Variants in CENPI observed in about 807,000 individuals in gnomAD.
CENPI encodes centromere protein I.
In CENPI, 4 loss-of-function variants were observed where a neutral mutation model predicts 60.4. The ratio of observed to expected loss-of-function variants is 0.07; its 90% CI spans 0.03 to 0.15. The LOEUF is 0.15. CENPI is among the 10% of genes least tolerant of loss of function. The pLI is 1.00. For missense variants in CENPI, 444 were observed against 534.5 expected (o/e 0.83, Z 1.67); for synonymous variants, 157 against 189.4 (o/e 0.83, Z 1.40).
chrX:101,178,388 T>C, the CENPI span, among the ~76,000 whole-genome samples: 1 of 89,110 alleles, frequency 1.1e-5, no homozygotes, highest in Non-Finnish European at 2.2e-5. Flanking sequence ...CTTCTTCTTC[T>C]TTTCTTCTTC....
chrX:101,150,536 A>C (rs1365104896), intron 20 of CENPI, among the ~76,000 whole-genome samples: 1 of 109,628 alleles, frequency 9.1e-6, no homozygotes, highest in Non-Finnish European at 1.9e-5. Flanking sequence ...GCTCCTGGCT[A>C]GTTTTTTTGT....
chrX:101,127,973 G>A (rs765410871), intron 11 of CENPI, among the ~76,000 whole-genome samples: 2 of 110,965 alleles, frequency 1.8e-5, no homozygotes, highest in Non-Finnish European at 3.8e-5. Context: ...CGAGGTGGGC[G>A]GATCACTTGA....
intron 6 of CENPI, among the ~76,000 whole-genome samples, chrX:101,119,249 A>T (rs1454358286): frequency 2.7e-5 from 3 of 112,191 alleles, no homozygotes; most frequent in Non-Finnish European, 3.8e-5. Context: ...TCTTTCTCAA[A>T]CCATTTCTAA....
At chrX:101,127,702 A>G (rs1180294669) in intron 11 of CENPI, 37 bp downstream of exon 11, 11 of 1,032,731 alleles carry the variant, frequency 1.1e-5, no homozygotes, top group Non-Finnish European at 1.4e-5. Context: ...TGCATTTTCT[A>G]TTTGAATTTC....
intron 18 of CENPI, 110 bp from the exon 19 acceptor site, chrX:101,147,653 T>C (rs2089973582): frequency 1.7e-6 from 1 of 595,376 alleles, no homozygotes; most frequent in Non-Finnish European, 2.7e-6. Context: ...TATATGCACA[T>C]TTGCATATAT....
At position 101,163,286 on chromosome X, in the gene CENPI, G is replaced by A. The variant is rs2090126710; in HGVS notation, c.*319G>A. 5.2e-6 allele frequency: 1 copy of A among 193,487 alleles called. No individual in the cohort carries two copies. The highest frequency in any genetic ancestry group is 9.2e-6 in the Non-Finnish European group (1 of 108,257). 15.9% of individuals were successfully genotyped at this position (193,487 alleles called of 1,213,427 possible). A position where few individuals can be genotyped will look rare whatever the true frequency, so the allele number is the denominator to read the frequency against. ...ATTTTTGGGTACTATGAGCTGCATT[G>A]ATGGAAGACAGCAGGCAATATGTGG... On this transcript the variant is annotated 3_prime_UTR_variant, in exon 22 of 22. Coordinates refer to ENST00000682095, the MANE Select transcript of CENPI (RefSeq NM_001386188.2).
At position 101,117,636 on chromosome X, in the gene CENPI, C is replaced by A. The variant is rs750103388; in HGVS notation, c.592-2766C>A. On this transcript the variant is annotated intron_variant, in intron 6 of 21. Coordinates refer to ENST00000682095, the MANE Select transcript of CENPI (RefSeq NM_001386188.2). The stretch of plus-strand genomic sequence containing the variant: ...CACAGTGGAGTTTTAATTTCACAAC[C>A]ATACACTTAGTGTGTAGCTCTTGGG... Among the ~76,000 whole-genome samples, 5 of 112,081 alleles carry A rather than the reference C, an allele frequency of 4.5e-5. No individual in the cohort carries two copies. In the East Asian group the frequency reaches 1.4e-3, roughly 31 times the overall value.
At chrX:101,152,284 C>T (rs1452946119) in intron 20 of CENPI, among the ~76,000 whole-genome samples, 2 of 109,592 alleles carry the variant, frequency 1.8e-5, no homozygotes, top group Non-Finnish European at 3.8e-5. Context: ...AGGCTGGTCT[C>T]GAACTCCTGA....
intron 4 of CENPI, among the ~76,000 whole-genome samples, chrX:101,108,317 C>A (rs2089508604): frequency 9.0e-6 from 1 of 110,563 alleles, no homozygotes; most frequent in Admixed American, 9.7e-5. Flanking sequence ...CTCAAGCAGT[C>A]CTCCGGCCTC....
intron 6 of CENPI, among the ~76,000 whole-genome samples, chrX:101,111,769 C>G (rs2089556472): frequency 9.0e-6 from 1 of 111,515 alleles, no homozygotes; most frequent in African/African-American, 3.3e-5. Flanking sequence ...CGCGGTGGCT[C>G]ACACCTGTAA....
chrX:101,140,645 T>TTTTCATTTTG (rs1326699830), intron 15 of CENPI, 21 bp from the exon 16 acceptor site: 1 of 1,081,580 alleles, frequency 9.2e-7, no homozygotes, highest in Non-Finnish European at 1.3e-6. Flanking sequence ...ATGAAATCTT[T>TTTTCATTTTG]TTTCATTTTG....
Position 101,136,754 on chromosome X carries a change from A to T in CENPI, c.1471-3912A>T, listed in dbSNP as rs752001507. Among the ~76,000 whole-genome samples, 400 of 109,988 alleles carry T rather than the reference A, an allele frequency of 3.6e-3. 2 individuals are homozygous for T. Among genetic ancestry groups the T allele is most frequent in the African/African-American group, 0.013 (382 of 30,103 alleles). On this transcript the variant is annotated intron_variant, in intron 15 of 21. Coordinates refer to ENST00000682095, the MANE Select transcript of CENPI (RefSeq NM_001386188.2). The stretch of plus-strand genomic sequence containing the variant: ...TTTCAATATCTGTCCTTATTGATTT[A>T]TCATTTTCCATAGAGTTGCAAACAT...
intron 6 of CENPI, among the ~76,000 whole-genome samples, chrX:101,112,415 C>T (rs1477938858): frequency 1.8e-5 from 2 of 111,807 alleles, no homozygotes; most frequent in Non-Finnish European, 3.8e-5. Flanking sequence ...ATTTAAAATA[C>T]AAGATACATC....
intron 15 of CENPI, among the ~76,000 whole-genome samples, chrX:101,138,880 C>T (rs1473064207): frequency 2.8e-5 from 3 of 108,864 alleles, no homozygotes; most frequent in Non-Finnish European, 3.8e-5. Flanking sequence ...CCCACCTCAG[C>T]CTCCCAAAGT....
rs781430507 is a variant in CENPI at position 101,105,597 on chromosome X, CAG to C, written c.364+3189_364+3190del. Among the ~76,000 whole-genome samples, 4 of 111,143 alleles carry C rather than the reference CAG, an allele frequency of 3.6e-5. No individual in the cohort carries two copies. The South Asian group carries it at 1.5e-3, about 42-fold the overall frequency. ...TATTTTAGAAATTTTTTTTTCGTGACAGAGTCTCGCTGTGTTGTCCAGACTGC... is the reference window on the plus strand; with the variant it reads ...TATTTTAGAAATTTTTTTTTCGTGACAGTCTCGCTGTGTTGTCCAGACTGC... On this transcript the variant is annotated intron_variant, in intron 4 of 21. Transcript: ENST00000682095.
chrX:101,137,570 A>G (rs1238015026), intron 15 of CENPI, among the ~76,000 whole-genome samples: 4 of 112,022 alleles, frequency 3.6e-5, no homozygotes, highest in South Asian at 3.7e-4. Context: ...AAGGAAATGA[A>G]TAAGTAAGAC....
chrX:101,163,138 G>A lies in CENPI; in HGVS notation c.*171G>A, dbSNP rs766070530. Reference sequence around the variant, plus strand: ...TAGGAGAGCCTTGGTGTGCCTAACTGATTTTTCAAAATTTAGATTTTTTTA... The same window carrying A: ...TAGGAGAGCCTTGGTGTGCCTAACTAATTTTTCAAAATTTAGATTTTTTTA... On this transcript the variant is annotated 3_prime_UTR_variant, in exon 22 of 22. Transcript: ENST00000682095. 41 of 454,145 alleles carry A rather than the reference G, an allele frequency of 9.0e-5. No homozygotes were observed. Among genetic ancestry groups the A allele is most frequent in the Non-Finnish European group, 1.4e-4 (41 of 286,933 alleles). 37.4% of individuals were successfully genotyped at this position (454,145 alleles called of 1,213,427 possible).
intron 18 of CENPI, among the ~76,000 whole-genome samples, chrX:101,147,013 G>C (rs2089968056): frequency 8.9e-6 from 1 of 112,077 alleles, no homozygotes; most frequent in Non-Finnish European, 1.9e-5. Context: ...TGGGATTACA[G>C]GCGTGAGCCA....
chrX:101,121,506 C>G (rs185048480), intron 8 of CENPI, among the ~76,000 whole-genome samples: 1 of 109,825 alleles, frequency 9.1e-6, no homozygotes, highest in East Asian at 2.9e-4. Context: ...CCAGGCTGGT[C>G]TCGAACTCTT....
Sources: allele counts gnomAD v4.1 joint callset (sites outside exome capture counted in the v4.1 genomes callset), GRCh38; gene constraint gnomAD v4.1.1; transcripts MANE v1.5; gene names NCBI Gene and HGNC (gene_info 2026-07-23, HGNC 2026-07-21).